Variants in HNRNPM observed in about 807,000 individuals in gnomAD.
HNRNPM encodes CEA receptor.
Under a neutral mutation model 73.1 loss-of-function variants are expected in HNRNPM, and 11 were observed. That is an observed-to-expected ratio of 0.15 (90% CI 0.09 to 0.25). HNRNPM has a LOEUF of 0.25. Ranked by LOEUF, HNRNPM falls within the 10% of genes least tolerant of loss-of-function variation. The pLI is 1.00. For missense variants in HNRNPM, 789 were observed against 1,067.9 expected, an observed-to-expected ratio of 0.74 and a Z score of 3.64; for synonymous variants, 407 against 355.2, an observed-to-expected ratio of 1.15 and a Z score of -1.64.
chr19:8,470,994 GAT>G (rs1365669388), intron 9 of HNRNPM, among the ~76,000 whole-genome samples: 5 of 152,160 alleles, frequency 3.3e-5, no homozygotes, highest in Non-Finnish European at 7.3e-5. Flanking sequence ...CTTGCCACCT[GAT>G]GTCTTGAGTC....
In HNRNPM at chr19:8,486,306, G is replaced by A. The variant is rs1971303553; in HGVS notation, c.1878G>A (p.Glu626=). 6.2e-7 allele frequency: 1 copy of A among 1,600,306 alleles called. No individual in the cohort carries two copies. The highest frequency in any genetic ancestry group is 1.3e-5 in the African/African-American group (1 of 74,958). Residue 626 remains glutamate (E), a synonymous_variant, in exon 14 of 16, where the codon GAG becomes GAA. Transcript: ENST00000325495. ...GASFDRAIEM[E]RGNFGGSFAG... ...GCTTTGACCGTGCCATCGAGATGGA[G>A]CGTGGCAACTTCGGAGGAAGCTTCG... is the stretch of plus-strand genomic sequence containing the variant.
intron 12 of HNRNPM, among the ~76,000 whole-genome samples, chr19:8,476,448 C>G (rs1448413105): frequency 2.0e-5 from 3 of 152,118 alleles, no homozygotes; most frequent in Non-Finnish European, 4.4e-5. Context: ...CCAGGACCCA[C>G]ACTCAGCATG....
At chr19:8,472,168 T>A (rs1599811386) in intron 10 of HNRNPM, among the ~76,000 whole-genome samples, 1 of 107,328 alleles carries the variant, frequency 9.3e-6, no homozygotes, top group Non-Finnish European at 1.9e-5. Flanking sequence ...AGAGTCCGTC[T>A]CCAGAAAAAA....
In HNRNPM at chr19:8,471,423, C is replaced by G. The variant is rs377274946; in HGVS notation, c.993C>G (p.Pro331=). The G allele has an allele frequency of 1.9e-6, 3 of 1,587,794 alleles. No homozygotes were observed. Residue 331 remains proline, a synonymous_variant, in exon 10 of 16, where the codon CCC becomes CCG. Coordinates refer to ENST00000325495, the MANE Select transcript of HNRNPM (RefSeq NM_005968.5). ...GCATCGGAATGGGAAACATAGGTCC[C>G]GCAGGTGAGAATGACAGTGCACCTT... is the stretch of plus-strand genomic sequence containing the variant. ...NKGIGMGNIG[P]AGMGMEGIGF...
intron 2 of HNRNPM, among the ~76,000 whole-genome samples, chr19:8,456,713 C>A (rs1275842475): frequency 4.6e-5 from 7 of 152,164 alleles, no homozygotes; most frequent in Admixed American, 3.3e-4. Context: ...TTATTTTGAC[C>A]ATGACATGCA....
chr19:8,452,527 G>T lies in HNRNPM; in HGVS notation c.114-2878G>T, dbSNP rs550618553. On this transcript the variant is annotated intron_variant, in intron 1 of 15. Coordinates refer to ENST00000325495, the MANE Select transcript of HNRNPM (RefSeq NM_005968.5). The stretch of plus-strand genomic sequence containing the variant: ...CTTTTGGAGTAGACAAGTGGCCTGG[G>T]TAACAGTTGTAGGTCTCCTGTGGGA... Among the ~76,000 whole-genome samples, 3 of 152,322 alleles carry T rather than the reference G, an allele frequency of 2.0e-5. No homozygotes were observed. The East Asian group carries it at 5.8e-4, about 29-fold the overall frequency.
intron 6 of HNRNPM, among the ~76,000 whole-genome samples, 190 bp from the exon 7 acceptor site, chr19:8,466,045 T>A (rs180673310): frequency 2.9e-4 from 44 of 152,340 alleles, no homozygotes; most frequent in Admixed American, 1.4e-3. Flanking sequence ...TTACTATAGG[T>A]ACAGTTTATT....
Position 8,471,406 on chromosome 19 carries a change from A to G in HNRNPM, c.976A>G (p.Met326Val), listed in dbSNP as rs1970126788. The change falls in exon 10 of 16, where the codon ATG becomes GTG. Residue 326 changes from methionine (M) to valine (V), a missense_variant. Met to Val is a conservative substitution (Grantham distance 21, BLOSUM62 1). Coordinates refer to ENST00000325495, the MANE Select transcript of HNRNPM (RefSeq NM_005968.5). ...CAATCACCTGAATAAAGGCATCGGA[A>G]TGGGAAACATAGGTCCCGCAGGTGA... ...DANHLNKGIG[M>V]GNIGPAGMGM... 6.2e-7 allele frequency: 1 copy of G among 1,604,294 alleles called. No homozygotes were observed. Among genetic ancestry groups the G allele is most frequent in the Admixed American group, 1.7e-5 (1 of 58,794 alleles).
In HNRNPM at chr19:8,462,504, G is replaced by A. The variant is rs1230183797; in HGVS notation, c.284-25G>A. On this transcript the variant is annotated intron_variant, in intron 2 of 15. Coordinates refer to ENST00000325495, the MANE Select transcript of HNRNPM (RefSeq NM_005968.5). The surrounding 1 kb of genome is among the most constrained non-coding windows in gnomAD (Gnocchi z 4.5). The stretch of plus-strand genomic sequence containing the variant: ...TCTTGGCTTTTCTCCCTTGGTTTAT[G>A]TGTCGTCTGGAAACTGATTTGTAGT... The A allele has an allele frequency of 3.7e-6, 6 of 1,606,496 alleles. No homozygotes were observed. The Admixed American group carries it at 6.7e-5, about 18-fold the overall frequency.
intron 15 of HNRNPM, chr19:8,488,466 TA>T (rs1287287143): frequency 3.9e-5 from 17 of 436,556 alleles, no homozygotes; most frequent in Middle Eastern, 5.9e-4. Flanking sequence ...TCCTGAAGCG[TA>T]AAGGCGTGCA....
Position 8,466,195 on chromosome 19 carries a change from T to G in HNRNPM, c.631-40T>G, listed in dbSNP as rs199677709. On this transcript the variant is annotated intron_variant, in intron 6 of 15. Coordinates refer to ENST00000325495, the MANE Select transcript of HNRNPM (RefSeq NM_005968.5). ...AGTAAAAATGTTGTGTTTCTTAAGA[T>G]GTTTACATTGAGGTTTTTACCCCGT... The G allele has an allele frequency of 3.8e-6, 6 of 1,578,204 alleles. No individual in the cohort carries two copies. In the Admixed American group the frequency reaches 1.2e-4, roughly 30 times the overall value.
chr19:8,463,482 T>G lies in HNRNPM; in HGVS notation c.337-15T>G. The G allele has an allele frequency of 2.5e-6, 4 of 1,614,008 alleles. 1 individual carries two copies. In the South Asian group the frequency reaches 4.4e-5, roughly 18 times the overall value. ...CTTCCTTGCTCTTCTGACTGGTCTC[T>G]GGCTTCCTCCAAAGGGATGTGCGTA... On this transcript the variant is annotated splice_polypyrimidine_tract_variant and intron_variant, in intron 3 of 15. Coordinates refer to ENST00000325495, the MANE Select transcript of HNRNPM (RefSeq NM_005968.5).
rs1330456895 is a variant in HNRNPM at position 8,465,441 on chromosome 19, A to G, written c.556A>G (p.Asn186Asp). 6.2e-7 allele frequency: 1 copy of G among 1,613,924 alleles called. No homozygotes were observed. ...TACTATCCCACCCAGTATCCTAAAT[A>G]ATCCCAACATCCCAAATGAGATTAT... ...MITIPPSILNNPNIPNEIIHA... is the reference protein window; with the variant it reads ...MITIPPSILNDPNIPNEIIHA... The change falls in exon 6 of 16, where the codon AAT becomes GAT. Residue 186 changes from asparagine (N) to aspartate (D), a missense_variant. Transcript: ENST00000325495.
intron 11 of HNRNPM, 68 bp downstream of exon 11, chr19:8,473,776 C>A (rs1970321942): frequency 2.0e-6 from 2 of 1,018,560 alleles, no homozygotes; most frequent in African/African-American, 3.2e-5. Context: ...TTCCTCTTTT[C>A]TTTCTTGTTT....
chr19:8,480,135 T>G (rs1970806057), intron 12 of HNRNPM, among the ~76,000 whole-genome samples: 1 of 136,900 alleles, frequency 7.3e-6, no homozygotes, highest in South Asian at 2.7e-4. Context: ...CCCAGCACTT[T>G]GGGAGGCCGA....
chr19:8,461,828 T>G (rs1969419896), intron 2 of HNRNPM: 1 of 152,216 alleles, frequency 6.6e-6, no homozygotes, highest in African/African-American at 2.4e-5. Context: ...TCTTATTATA[T>G]TCAAACATTC....
At chr19:8,473,927 C>T (rs552484063) in intron 11 of HNRNPM, among the ~76,000 whole-genome samples, 2 of 152,060 alleles carry the variant, frequency 1.3e-5, no homozygotes, top group South Asian at 4.1e-4. Context: ...GCAGACCACT[C>T]CATCTCTATG....
chr19:8,486,552 CAAGT>C (rs1487470199), intron 14 of HNRNPM, 147 bp downstream of exon 14: 5 of 676,544 alleles, frequency 7.4e-6, no homozygotes, highest in Middle Eastern at 4.1e-4. Flanking sequence ...GCTAGTGGGA[CAAGT>C]AAGGAATGTG....
intron 14 of HNRNPM, 56 bp downstream of exon 14, chr19:8,486,461 G>GCGCCT (rs1261050959): frequency 7.0e-7 from 1 of 1,431,260 alleles, no homozygotes. Context: ...GACAGGGGAG[G>GCGCCT]CAAAGATCAG....
Sources: gnomAD v4.1 joint callset for allele counts (sites outside exome capture counted in the v4.1 genomes callset) on GRCh38, gnomAD v4.1.1 for gene constraint, Gnocchi (gnomAD v3.1) non-coding constraint, MANE v1.5 for transcripts, NCBI Gene and HGNC (gene_info 2026-07-23, HGNC 2026-07-21) for gene names.